KIF13B: variants seen among roughly 807,000 people sequenced by gnomAD.
The protein encoded by KIF13B is kinesin-like protein KIF13B.
A neutral mutation model predicts 222.0 loss-of-function variants in KIF13B; 127 were observed. The observed-to-expected ratio is 0.57, with a 90% CI of 0.50 to 0.66. KIF13B has a LOEUF of 0.66. Among genes scored for constraint, KIF13B ranks in the 30% least tolerant of loss-of-function variants. The probability of loss-of-function intolerance (pLI) is 0.00; values close to 1 mark genes in which losing one functional copy is unlikely to be tolerated. For synonymous variants in KIF13B, 976 were observed against 919.0 expected, an observed-to-expected ratio of 1.06 and a Z score of -1.12; for missense variants, 2,173 against 2,379.0, an observed-to-expected ratio of 0.91 and a Z score of 1.80.
In KIF13B at chr8:29,071,151, C is replaced by A. The variant is rs943606596; in HGVS notation, c.5219-385G>T. Among the ~76,000 whole-genome samples the A allele has an allele frequency of 6.6e-6, 1 of 152,202 alleles. No individual in the cohort carries two copies. The highest frequency in any genetic ancestry group is 1.5e-5 in the Non-Finnish European group (1 of 68,018). ...TTCTCCATCTGGACCCAGGCCTGGGCTGGGTGGCGGGAGAATGGTTCTTTT... is the reference window on the plus strand; with the variant it reads ...TTCTCCATCTGGACCCAGGCCTGGGATGGGTGGCGGGAGAATGGTTCTTTT... On this transcript the variant is annotated intron_variant, in intron 39 of 39. Transcript: ENST00000524189. The surrounding 1 kb of genome is among the most constrained non-coding windows in gnomAD (Gnocchi z 4.9).
intron 10 of KIF13B, among the ~76,000 whole-genome samples, chr8:29,168,487 C>T (rs1254262496): frequency 6.6e-6 from 1 of 152,212 alleles, no homozygotes; most frequent in African/African-American, 2.4e-5. Flanking sequence ...ACTTATTCAT[C>T]GGTCTCCAAG....
At chr8:29,225,689 C>G (rs1814989755) in intron 2 of KIF13B, among the ~76,000 whole-genome samples, 1 of 152,176 alleles carries the variant, frequency 6.6e-6, no homozygotes, top group African/African-American at 2.4e-5. Context: ...GGATCGATTC[C>G]TGTGTTACCA....
chr8:29,075,992 G>C (rs2133483469), intron 37 of KIF13B, among the ~76,000 whole-genome samples: 2 of 152,342 alleles, frequency 1.3e-5, no homozygotes, highest in African/African-American at 4.8e-5. Context: ...TGCAACTCCA[G>C]TGACAGAGCA....
intron 10 of KIF13B, 98 bp from the exon 11 acceptor site, chr8:29,167,683 G>A: frequency 2.1e-6 from 2 of 959,286 alleles, no homozygotes; most frequent in Non-Finnish European, 3.3e-6. Context: ...ATTTCCCCAG[G>A]TCAAACACAT....
intron 2 of KIF13B, among the ~76,000 whole-genome samples, chr8:29,204,330 T>A (rs1470675179): frequency 6.6e-6 from 1 of 152,206 alleles, no homozygotes; most frequent in Non-Finnish European, 1.5e-5. Flanking sequence ...CAGTATTAAC[T>A]CAATCACTTG....
intron 18 of KIF13B, among the ~76,000 whole-genome samples, chr8:29,143,590 G>A (rs1369722367): frequency 6.6e-6 from 1 of 152,212 alleles, no homozygotes; most frequent in East Asian, 1.9e-4. Flanking sequence ...GCTCACGCCT[G>A]TAATCCCAGC....
At chr8:29,216,635 A>G (rs78295017) in intron 2 of KIF13B, among the ~76,000 whole-genome samples, 3 of 152,248 alleles carry the variant, frequency 2.0e-5, no homozygotes, top group East Asian at 3.9e-4. Context: ...AAATACAACT[A>G]TGTTCTTTCT....
intron 2 of KIF13B, among the ~76,000 whole-genome samples, chr8:29,222,697 T>C (rs573323425): frequency 6.9e-4 from 105 of 152,206 alleles, no homozygotes; most frequent in African/African-American, 2.5e-3. Flanking sequence ...ATTCAGATCA[T>C]AAAAGTCACT....
intron 24 of KIF13B, among the ~76,000 whole-genome samples, chr8:29,128,323 C>T (rs1180984480): frequency 6.6e-6 from 1 of 152,016 alleles, no homozygotes; most frequent in African/African-American, 2.4e-5. Flanking sequence ...ATTTGAAAAA[C>T]AGAATTTAAA....
intron 21 of KIF13B, among the ~76,000 whole-genome samples, chr8:29,137,169 T>C (rs999182684): frequency 3.9e-5 from 6 of 152,074 alleles, no homozygotes; most frequent in Admixed American, 6.5e-5. Flanking sequence ...TCTGAAAACC[T>C]TTTTTTACCA....
At chr8:29,148,399 CG>C (rs1811151999) in intron 16 of KIF13B, among the ~76,000 whole-genome samples, 177 bp downstream of exon 16, 1 of 149,720 alleles carries the variant, frequency 6.7e-6, no homozygotes, top group African/African-American at 2.5e-5. Context: ...AACACTCTAC[CG>C]TTTTTTTTTT....
At position 29,228,472 on chromosome 8, in the gene KIF13B, A is replaced by AATATATATATATATATAT. The variant is rs1491523107; in HGVS notation, c.149+16856_149+16873dup. Among the ~76,000 whole-genome samples the AATATATATATATATATAT allele has an allele frequency of 1.5e-4, 18 of 117,078 alleles. 1 individual carries two copies. The highest frequency in any genetic ancestry group is 2.9e-4 in the South Asian group (1 of 3,490). The allele number at this position is 117,078 out of a possible 152,430, so 76.8% of individuals were successfully genotyped here. On this transcript the variant is annotated intron_variant, in intron 2 of 39. Transcript: ENST00000524189. ...ACAGAGCCAGACTCCATCTTAAAAA[A>AATATATATATATATATAT]ATATATATATATATATATGAGATAC...
chr8:29,155,698 G>T, intron 14 of KIF13B, 28 bp downstream of exon 14: 1 of 1,588,246 alleles, frequency 6.3e-7, no homozygotes, highest in Non-Finnish European at 8.6e-7. Context: ...AAACTCTTGT[G>T]ATATGAACAC....
chr8:29,138,066 T>C (rs757774481), intron 21 of KIF13B, among the ~76,000 whole-genome samples: 1 of 152,184 alleles, frequency 6.6e-6, no homozygotes, highest in Non-Finnish European at 1.5e-5. Flanking sequence ...TTTTAAAAAT[T>C]AGTCCGGATA....
At chr8:29,168,301 A>C (rs961592927) in intron 10 of KIF13B, among the ~76,000 whole-genome samples, 5 of 152,220 alleles carry the variant, frequency 3.3e-5, no homozygotes, top group African/African-American at 1.2e-4. Flanking sequence ...TTCCAACAGA[A>C]TGAAAAACCA....
At chr8:29,108,532 G>C (rs560910428) in intron 34 of KIF13B, among the ~76,000 whole-genome samples, 1 of 152,316 alleles carries the variant, frequency 6.6e-6, no homozygotes, top group Non-Finnish European at 1.5e-5. Context: ...CTGAGCTTAT[G>C]ATTCCTTTCT....
intron 8 of KIF13B, among the ~76,000 whole-genome samples, chr8:29,179,636 T>A (rs2130267629): frequency 6.6e-6 from 1 of 152,352 alleles, no homozygotes; most frequent in South Asian, 2.1e-4. Flanking sequence ...GAGCAGAGGC[T>A]GCCTGCTGCC....
intron 18 of KIF13B, among the ~76,000 whole-genome samples, chr8:29,145,480 A>C (rs892013256): frequency 6.6e-6 from 1 of 152,048 alleles, no homozygotes; most frequent in Non-Finnish European, 1.5e-5. Flanking sequence ...AAAATACAAA[A>C]ATTAGTCCAG....
chr8:29,222,639 C>A (rs62505661), intron 2 of KIF13B, among the ~76,000 whole-genome samples: 21,678 of 143,110 alleles, frequency 0.15, 1,627 homozygotes, highest in Non-Finnish European at 0.16. Context: ...AATTAGATTT[C>A]CTGAAAGCAA....
Sources: gnomAD v4.1 joint callset for allele counts (sites outside exome capture counted in the v4.1 genomes callset) on GRCh38, gnomAD v4.1.1 for gene constraint, Gnocchi (gnomAD v3.1) non-coding constraint, MANE v1.5 for transcripts, NCBI Gene and HGNC (gene_info 2026-07-23, HGNC 2026-07-21) for gene names.